The following UNC5C variants were observed in gnomAD, a reference collection of about 807,000 sequenced individuals.
UNC5C encodes the protein netrin receptor UNC5C.
In UNC5C, 47 loss-of-function variants were observed where a neutral mutation model predicts 99.8. The ratio of observed to expected loss-of-function variants is 0.47; its 90% confidence interval spans 0.37 to 0.60. The LOEUF (loss-of-function observed/expected upper bound fraction) is 0.60. UNC5C is among the 20% of genes least tolerant of loss of function. UNC5C has a pLI of 0.00. For missense variants in UNC5C, 1,062 were observed against 1,165.9 expected (o/e 0.91, Z 1.30); for synonymous variants, 487 against 452.2 (o/e 1.08, Z -0.98).
chr4:95,487,778 G>C (rs1465440346), intron 1 of UNC5C, among the ~76,000 whole-genome samples: 1 of 151,634 alleles, frequency 6.6e-6, no homozygotes, highest in Non-Finnish European at 1.5e-5. Flanking sequence ...AGTTACTCTG[G>C]TAACCATATA....
intron 14 of UNC5C, among the ~76,000 whole-genome samples, chr4:95,181,483 C>T (rs948450459): frequency 1.3e-5 from 2 of 152,242 alleles, no homozygotes; most frequent in South Asian, 2.1e-4. Flanking sequence ...CCCTCACCCC[C>T]CTCCAAAATT....
intron 4 of UNC5C, among the ~76,000 whole-genome samples, chr4:95,268,146 G>C (rs985612839): frequency 6.6e-6 from 1 of 151,338 alleles, no homozygotes; most frequent in Non-Finnish European, 1.5e-5. Flanking sequence ...TAGAGACGGG[G>C]TTTCACCGTG....
intron 5 of UNC5C, among the ~76,000 whole-genome samples, chr4:95,246,573 A>AAATT (rs1424011146): frequency 6.6e-6 from 1 of 151,996 alleles, no homozygotes; most frequent in Non-Finnish European, 1.5e-5. Context: ...ATAAATAAAT[A>AAATT]ATACATGAAT....
intron 4 of UNC5C, among the ~76,000 whole-genome samples, chr4:95,263,442 CA>C (rs1560759404): frequency 6.6e-6 from 1 of 152,114 alleles, no homozygotes; most frequent in Non-Finnish European, 1.5e-5. Flanking sequence ...GAAATTCTAC[CA>C]GGGGAGAATG....
At chr4:95,269,837 C>T (rs1435311998) in intron 4 of UNC5C, among the ~76,000 whole-genome samples, 2 of 151,952 alleles carry the variant, frequency 1.3e-5, no homozygotes, top group Non-Finnish European at 2.9e-5. Flanking sequence ...CTCAGCCTCC[C>T]AAGTAGCTAG....
chr4:95,467,546 C>T (rs1310836318), intron 1 of UNC5C, among the ~76,000 whole-genome samples: 1 of 152,120 alleles, frequency 6.6e-6, no homozygotes, highest in Admixed American at 6.6e-5. Flanking sequence ...AAAATTACTA[C>T]ATGGATTCCA....
At chr4:95,324,570 G>A (rs1214009504) in intron 2 of UNC5C, among the ~76,000 whole-genome samples, 1 of 152,156 alleles carries the variant, frequency 6.6e-6, no homozygotes, top group African/African-American at 2.4e-5. Flanking sequence ...GTTGGGGACT[G>A]TTGTGCTAAT....
At chr4:95,487,890 C>A (rs1340540352) in intron 1 of UNC5C, among the ~76,000 whole-genome samples, 1 of 151,836 alleles carries the variant, frequency 6.6e-6, no homozygotes, top group Non-Finnish European at 1.5e-5. Context: ...TAACTCCTTC[C>A]TCCTGGGCTA....
At chr4:95,507,158 T>TA (rs1350070389) in intron 1 of UNC5C, among the ~76,000 whole-genome samples, 9 of 152,032 alleles carry the variant, frequency 5.9e-5, no homozygotes, top group African/African-American at 2.2e-4. Context: ...CTATCAAACA[T>TA]ACTTTTTTAA....
At chr4:95,291,677 A>G (rs911775002) in intron 3 of UNC5C, among the ~76,000 whole-genome samples, 3 of 152,220 alleles carry the variant, frequency 2.0e-5, no homozygotes, top group African/African-American at 4.8e-5. Flanking sequence ...ACAATCAGGT[A>G]TACATTATAA....
intron 1 of UNC5C, among the ~76,000 whole-genome samples, chr4:95,339,341 C>A (rs1444052710): frequency 1.3e-5 from 2 of 151,910 alleles, no homozygotes; most frequent in Admixed American, 1.3e-4. Flanking sequence ...TTTACTTTTT[C>A]AGGGCATTAA....
At chr4:95,453,104 C>T (rs897729202) in intron 1 of UNC5C, among the ~76,000 whole-genome samples, 1 of 152,106 alleles carries the variant, frequency 6.6e-6, no homozygotes, top group Admixed American at 6.6e-5. Context: ...AGGCCGTCAT[C>T]TAACTAGTTA....
At chr4:95,274,324 CGG>C (rs1326257286) in intron 4 of UNC5C, among the ~76,000 whole-genome samples, 1 of 152,058 alleles carries the variant, frequency 6.6e-6, no homozygotes, top group African/African-American at 2.4e-5. Context: ...CCCTGTGACC[CGG>C]TGGCTAAAGG....
chr4:95,352,543 C>T (rs1744028328), intron 1 of UNC5C, among the ~76,000 whole-genome samples: 2 of 152,126 alleles, frequency 1.3e-5, no homozygotes, highest in Admixed American at 1.3e-4. Context: ...TCCAATAAAA[C>T]TCCAAGCTTT....
In UNC5C at chr4:95,163,642, T is replaced by A. The variant is rs539897371; in HGVS notation, c.*5592A>T. 1.3e-5 allele frequency: 2 copies of A among 152,338 alleles called. No individual in the cohort carries two copies. The highest frequency in any genetic ancestry group is 1.3e-4 in the Admixed American group (2 of 15,304). The allele number at this position is 152,338 out of a possible 1,614,324, so 9.4% of individuals were successfully genotyped here. A position where few individuals can be genotyped will look rare whatever the true frequency, so the allele number is the denominator to read the frequency against. On this transcript the variant is annotated 3_prime_UTR_variant, in exon 16 of 16. Transcript: ENST00000453304. Reference sequence around the variant, plus strand: ...CCCTTAAATGGTATGACTTGCAATTTATATTTTTGTTGAAGGACAAATCTG... The same window carrying A: ...CCCTTAAATGGTATGACTTGCAATTAATATTTTTGTTGAAGGACAAATCTG...
At chr4:95,267,276 TG>T (rs1740484160) in intron 4 of UNC5C, among the ~76,000 whole-genome samples, 1 of 152,194 alleles carries the variant, frequency 6.6e-6, no homozygotes, top group Non-Finnish European at 1.5e-5. Context: ...TTCATATATT[TG>T]GGGGTTTCCT....
chr4:95,385,508 A>G (rs1461444818), intron 1 of UNC5C, among the ~76,000 whole-genome samples: 1 of 152,212 alleles, frequency 6.6e-6, no homozygotes, highest in Non-Finnish European at 1.5e-5. Flanking sequence ...TCTACAATTA[A>G]AAGCATCAAA....
At chr4:95,274,514 C>G (rs184085904) in intron 4 of UNC5C, among the ~76,000 whole-genome samples, 1 of 152,126 alleles carries the variant, frequency 6.6e-6, no homozygotes, top group African/African-American at 2.4e-5. Context: ...CCTAGGGTCC[C>G]CTGTTTTCTT....
intron 3 of UNC5C, among the ~76,000 whole-genome samples, chr4:95,296,934 C>T (rs917074385): frequency 6.6e-6 from 1 of 152,130 alleles, no homozygotes; most frequent in African/African-American, 2.4e-5. Flanking sequence ...CAGGCCTGGT[C>T]CCACCTGTTG....
Sources: allele counts gnomAD v4.1 joint callset (sites outside exome capture counted in the v4.1 genomes callset), GRCh38; gene constraint gnomAD v4.1.1; transcripts MANE v1.5; gene names NCBI Gene and HGNC (gene_info 2026-07-23, HGNC 2026-07-21).